ELF5: variants seen among roughly 807,000 people sequenced by gnomAD.
ELF5 encodes the protein ETS-related transcription factor Elf-5.
A neutral mutation model predicts 38.2 loss-of-function variants in ELF5; 31 were observed. The observed-to-expected ratio is 0.81, with a 90% CI of 0.61 to 1.10. The LOEUF is 1.10. Among genes scored for constraint, ELF5 ranks in the 50% least tolerant of loss-of-function variants. The probability of loss-of-function intolerance (pLI) is 0.00; values close to 1 mark genes in which losing one functional copy is unlikely to be tolerated. For synonymous variants in ELF5, 121 were observed against 112.5 expected (o/e 1.08, Z -0.48); for missense variants, 300 against 306.6 (o/e 0.98, Z 0.16).
intron 1 of ELF5, among the ~76,000 whole-genome samples, chr11:34,508,482 G>A (rs557086536): frequency 6.6e-6 from 1 of 151,464 alleles, no homozygotes; most frequent in Non-Finnish European, 1.5e-5. Context: ...CAGCCTGGGC[G>A]ACAGAGCAAG....
At chr11:34,493,038 C>A in intron 3 of ELF5, 1 of 226,836 alleles carries the variant, frequency 4.4e-6, no homozygotes. Context: ...CCACTTGATC[C>A]TTGACCATTA....
chr11:34,501,775 C>A (rs1850476971), intron 2 of ELF5, among the ~76,000 whole-genome samples: 1 of 152,136 alleles, frequency 6.6e-6, no homozygotes, highest in Admixed American at 6.5e-5. Flanking sequence ...TTTGTGGTTA[C>A]CACACCAGGG....
At chr11:34,505,399 C>A (rs973962557) in intron 2 of ELF5, among the ~76,000 whole-genome samples, 1 of 152,198 alleles carries the variant, frequency 6.6e-6, no homozygotes. Flanking sequence ...TTAGCTGAGC[C>A]GTGCACGGCC....
At chr11:34,510,827 T>TA (rs1318166143) in intron 1 of ELF5, among the ~76,000 whole-genome samples, 50 of 151,790 alleles carry the variant, frequency 3.3e-4, no homozygotes, top group Middle Eastern at 3.2e-3. Flanking sequence ...GGAGAAGTGA[T>TA]AAAAAAAAGG....
rs771476053 is a variant in ELF5 at position 34,490,001 on chromosome 11, T to C, written c.406+8A>G. The stretch of plus-strand genomic sequence containing the variant: ...AGAGCCTTGGGTGGCTTGCGCTTGG[T>C]TACTTACAGTCTTTGATGGTGGCCT... On this transcript the variant is annotated splice_region_variant and intron_variant, in intron 4 of 6. Transcript: ENST00000257832. 1 of 1,614,068 alleles carries C rather than the reference T, an allele frequency of 6.2e-7. No homozygotes were observed. The highest frequency in any genetic ancestry group is 1.1e-5 in the South Asian group (1 of 91,078).
In ELF5 at chr11:34,493,607, C is replaced by A; in HGVS notation, c.227G>T (p.Cys76Phe). 1 of 1,614,182 alleles carries A rather than the reference C, an allele frequency of 6.2e-7. No homozygotes were observed. The highest frequency in any genetic ancestry group is 8.5e-7 in the Non-Finnish European group (1 of 1,180,038). ...CCDQYKLDTN[C>F]ISFCNFNISG... ...GATGTTGAAGTTGCAGAAGGAGATG[C>A]AATTGGTGTCCAACTTGTACTGGTC... Residue 76 changes from cysteine (C) to phenylalanine (F), a missense_variant, in exon 3 of 7, where the codon TGC becomes TTC. Physicochemically the swap from Cys to Phe is radical, Grantham distance 205. Transcript: ENST00000257832.
intron 4 of ELF5, 107 bp from the exon 5 acceptor site, chr11:34,482,606 G>T (rs970763936): frequency 6.1e-5 from 53 of 869,144 alleles, no homozygotes; most frequent in Non-Finnish European, 9.1e-5. Flanking sequence ...TGTAGTAGAA[G>T]ACACCACATT....
chr11:34,497,058 A>C (rs1454867855), intron 2 of ELF5, among the ~76,000 whole-genome samples: 1 of 152,204 alleles, frequency 6.6e-6, no homozygotes, highest in Non-Finnish European at 1.5e-5. Flanking sequence ...TCTAGCTTTG[A>C]AGAATCAGAA....
chr11:34,503,362 G>A lies in ELF5; in HGVS notation c.121+2267C>T, dbSNP rs891050727. Among the ~76,000 whole-genome samples the A allele has an allele frequency of 2.6e-5, 4 of 151,704 alleles. No homozygotes were observed. In the East Asian group the frequency reaches 5.8e-4, roughly 22 times the overall value. ...TTTCGTAGAGACGGGGTTTCTCCAT[G>A]TTGCCCAGGCTGGTCTTAAACTCCT... is the stretch of plus-strand genomic sequence containing the variant. On this transcript the variant is annotated intron_variant, in intron 2 of 6. Transcript: ENST00000257832.
At chr11:34,486,031 G>C (rs867021108) in intron 4 of ELF5, among the ~76,000 whole-genome samples, 3 of 152,162 alleles carry the variant, frequency 2.0e-5, no homozygotes, top group Non-Finnish European at 4.4e-5. Flanking sequence ...GGTTGGCCTT[G>C]AGCCTGGACA....
chr11:34,485,691 C>T (rs971472959), intron 4 of ELF5, among the ~76,000 whole-genome samples: 1 of 152,130 alleles, frequency 6.6e-6, no homozygotes, highest in Non-Finnish European at 1.5e-5. Flanking sequence ...CTGTCTGTTC[C>T]TAGTTCTGCA....
intron 1 of ELF5, 69 bp from the exon 2 acceptor site, chr11:34,505,822 C>A: frequency 2.0e-6 from 3 of 1,522,232 alleles, no homozygotes; most frequent in Non-Finnish European, 1.8e-6. Flanking sequence ...GTGCAGGAGC[C>A]CCTAGCAGGG....
intron 6 of ELF5, 35 bp downstream of exon 6, chr11:34,480,737 T>C (rs1856918755): frequency 1.2e-6 from 2 of 1,604,124 alleles, no homozygotes; most frequent in Non-Finnish European, 1.7e-6. Flanking sequence ...ATAACTCTTC[T>C]TGAAGGCTCA....
chr11:34,513,430 A>T (rs1850813800), intron 1 of ELF5, among the ~76,000 whole-genome samples: 1 of 152,234 alleles, frequency 6.6e-6, no homozygotes, highest in Non-Finnish European at 1.5e-5. Context: ...GGTTCAGCTA[A>T]GGGATCCAGA....
At chr11:34,510,934 C>CTT (rs1311970561) in intron 1 of ELF5, among the ~76,000 whole-genome samples, 11 of 152,154 alleles carry the variant, frequency 7.2e-5, no homozygotes, top group African/African-American at 2.4e-4. Flanking sequence ...ACATACTTTT[C>CTT]ATTTTGTGAG....
At chr11:34,487,612 T>C (rs1030272606) in intron 4 of ELF5, among the ~76,000 whole-genome samples, 4 of 152,208 alleles carry the variant, frequency 2.6e-5, no homozygotes, top group African/African-American at 9.6e-5. Flanking sequence ...CTAACTCTGC[T>C]GCCCACAAAG....
chr11:34,507,037 A>T (rs1850629974), intron 1 of ELF5, among the ~76,000 whole-genome samples: 2 of 152,236 alleles, frequency 1.3e-5, no homozygotes, highest in South Asian at 4.1e-4. Flanking sequence ...TATATGTTAT[A>T]CAGTTTTATA....
At position 34,506,638 on chromosome 11, in the gene ELF5, C is replaced by T. The variant is rs556825927; in HGVS notation, c.-4-885G>A. On this transcript the variant is annotated intron_variant, in intron 1 of 6. Transcript: ENST00000257832. ...AAGCGATCCTCCCACCTCCACCTCC[C>T]GAGTAGCTGGGTCTACAAGTGTGTA... Among the ~76,000 whole-genome samples the T allele has an allele frequency of 5.8e-4, 89 of 152,226 alleles. No homozygotes were observed. The South Asian group carries it at 0.011, about 20-fold the overall frequency.
In ELF5 at chr11:34,478,881, T is replaced by G. The variant is rs901810661; in HGVS notation, c.*1337A>C. ...CCAAAATAGATTATTTTACAGTAAT[T>G]CATATTTTTTAAAACAAGTTACTTT... On this transcript the variant is annotated 3_prime_UTR_variant, in exon 7 of 7. Coordinates refer to ENST00000257832, the MANE Select transcript of ELF5 (RefSeq NM_001422.4). The G allele has an allele frequency of 6.6e-6, 1 of 152,630 alleles. No individual in the cohort carries two copies. Among genetic ancestry groups the G allele is most frequent in the Non-Finnish European group, 1.5e-5 (1 of 68,034 alleles). The allele number at this position is 152,630 out of a possible 1,614,324, so 9.5% of individuals were successfully genotyped here. A position where few individuals can be genotyped will look rare whatever the true frequency, so the allele number is the denominator to read the frequency against.
Sources: allele counts gnomAD v4.1 joint callset (sites outside exome capture counted in the v4.1 genomes callset), GRCh38; gene constraint gnomAD v4.1.1; transcripts MANE v1.5; gene names NCBI Gene and HGNC (gene_info 2026-07-23, HGNC 2026-07-21).